KIAA0825: variants seen among roughly 807,000 people sequenced by gnomAD.
The protein encoded by KIAA0825 is KIAA0825, also known as uncharacterized protein KIAA0825.
A neutral mutation model predicts 147.6 loss-of-function variants in KIAA0825; 119 were observed. The observed-to-expected ratio is 0.81, with a 90% CI of 0.69 to 0.94. The LOEUF (loss-of-function observed/expected upper bound fraction) is 0.94, where lower values mean the gene tolerates loss of function less well. KIAA0825 is among the 40% of genes least tolerant of loss of function. The pLI, the probability that KIAA0825 is intolerant of heterozygous loss-of-function variation, is 0.00. For missense variants in KIAA0825, 1,381 were observed against 1,472.7 expected, an observed-to-expected ratio of 0.94 and a Z score of 1.02; for synonymous variants, 470 against 518.1, an observed-to-expected ratio of 0.91 and a Z score of 1.26.
At chr5:94,219,804 G>C (rs1405629896) in intron 20 of KIAA0825, among the ~76,000 whole-genome samples, 2 of 152,146 alleles carry the variant, frequency 1.3e-5, no homozygotes, top group Non-Finnish European at 2.9e-5. Context: ...ACCATGAATA[G>C]GGCTTGCAGG....
Position 94,157,287 on chromosome 5 carries a change from A to G in KIAA0825, c.3711-3163T>C, listed in dbSNP as rs533393302. On this transcript the variant is annotated intron_variant, in intron 20 of 20. Coordinates refer to ENST00000682413, the MANE Select transcript of KIAA0825 (RefSeq NM_001145678.3). ...TAGAAGAATTGCAACCTGGCCCCACAGCTGGTGGCAATGACTATGCTGTGT... is the reference window on the plus strand; with the variant it reads ...TAGAAGAATTGCAACCTGGCCCCACGGCTGGTGGCAATGACTATGCTGTGT... 6.6e-5 allele frequency among the ~76,000 whole-genome samples: 10 copies of G among 152,280 alleles called. No individual in the cohort carries two copies. In the South Asian group the frequency reaches 1.7e-3, roughly 25 times the overall value.
chr5:94,214,568 G>T (rs1045179340), intron 20 of KIAA0825, among the ~76,000 whole-genome samples: 8 of 152,118 alleles, frequency 5.3e-5, no homozygotes, highest in African/African-American at 1.9e-4. Context: ...TACTCTCTGG[G>T]AAACTCCTCG....
chr5:94,463,586 A>G (rs187737756), intron 11 of KIAA0825, among the ~76,000 whole-genome samples: 54 of 151,416 alleles, frequency 3.6e-4, no homozygotes, highest in African/African-American at 1.2e-3. Flanking sequence ...CACATACACA[A>G]TCTGATTTCC....
intron 19 of KIAA0825, among the ~76,000 whole-genome samples, chr5:94,384,706 G>A (rs750445945): frequency 2.6e-5 from 4 of 152,088 alleles, no homozygotes; most frequent in Non-Finnish European, 4.4e-5. Flanking sequence ...TTATTGAGTC[G>A]TTATTCTTCC....
intron 5 of KIAA0825, among the ~76,000 whole-genome samples, chr5:94,485,439 G>A (rs1762936155): frequency 6.6e-6 from 1 of 151,630 alleles, no homozygotes; most frequent in African/African-American, 2.4e-5. Context: ...AGACATACTT[G>A]GGATAATTTG....
chr5:94,205,656 G>C (rs537912545), intron 20 of KIAA0825, among the ~76,000 whole-genome samples: 9 of 152,136 alleles, frequency 5.9e-5, no homozygotes, highest in African/African-American at 2.2e-4. Context: ...AATTATCATG[G>C]ATGCCATAAT....
At chr5:94,486,217 T>G (rs1194578784) in intron 5 of KIAA0825, among the ~76,000 whole-genome samples, 1 of 152,002 alleles carries the variant, frequency 6.6e-6, no homozygotes, top group Non-Finnish European at 1.5e-5. Context: ...ATTGGAAAAT[T>G]TGTAAACTCC....
intron 14 of KIAA0825, among the ~76,000 whole-genome samples, chr5:94,426,441 A>G (rs1238656634): frequency 6.6e-6 from 1 of 152,186 alleles, no homozygotes. Context: ...TTTACGTGAA[A>G]TAAGTTAGGC....
In KIAA0825 at chr5:94,263,662, TCTC is replaced by T. The variant is rs1291368437; in HGVS notation, c.3711-109541_3711-109539del. Among the ~76,000 whole-genome samples, 10 of 147,844 alleles carry T rather than the reference TCTC, an allele frequency of 6.8e-5. No individual in the cohort carries two copies. The South Asian group carries it at 1.5e-3, about 22-fold the overall frequency. On this transcript the variant is annotated intron_variant, in intron 20 of 20. Transcript: ENST00000682413. ...TTTTTCTTCAATGTCTCTCTCTCTC[TCTC>T]TTTTTTTTTGCACTATTGTTTAACA...
chr5:94,292,170 A>C (rs966546986), intron 20 of KIAA0825, among the ~76,000 whole-genome samples: 1 of 152,182 alleles, frequency 6.6e-6, no homozygotes, highest in Non-Finnish European at 1.5e-5. Context: ...GAGAGAGGGC[A>C]TCCTTGTCTT....
chr5:94,452,993 A>G lies in KIAA0825; in HGVS notation c.2323T>C (p.Ser775Pro). The stretch of plus-strand genomic sequence containing the variant: ...GAAGGGTAGAAATGTGATATGCAAG[A>G]AACCCAATATAATGGTTGCTTAAAA... Reference protein sequence around the residue: ...SFFKQPLYWVSCISHFYPSLL... With the variant: ...SFFKQPLYWVPCISHFYPSLL... Residue 775 changes from serine (S) to proline (P), a missense_variant, in exon 13 of 21, where the codon TCT (serine) becomes CCT (proline). Transcript: ENST00000682413. 6.5e-7 allele frequency: 1 copy of G among 1,531,372 alleles called. No homozygotes were observed. The highest frequency in any genetic ancestry group is 8.8e-7 in the Non-Finnish European group (1 of 1,139,118). The allele number at this position is 1,531,372 out of a possible 1,614,324, so 94.9% of individuals were successfully genotyped here.
chr5:94,618,257 G>A (rs952446564), intron 1 of KIAA0825: 1 of 152,242 alleles, frequency 6.6e-6, no homozygotes, highest in African/African-American at 2.4e-5. Flanking sequence ...CTCGCCCAGG[G>A]ACACTTGGTG....
intron 20 of KIAA0825, among the ~76,000 whole-genome samples, chr5:94,380,069 G>A (rs553660338): frequency 6.6e-6 from 1 of 151,900 alleles, no homozygotes; most frequent in South Asian, 2.1e-4. Flanking sequence ...TAGCCAGGAT[G>A]GTCTCGATCT....
chr5:94,539,731 C>A (rs1168300536), intron 2 of KIAA0825, among the ~76,000 whole-genome samples: 1 of 151,904 alleles, frequency 6.6e-6, no homozygotes, highest in Non-Finnish European at 1.5e-5. Flanking sequence ...TAATAAAAGG[C>A]AGGGATGCTT....
intron 20 of KIAA0825, among the ~76,000 whole-genome samples, chr5:94,216,775 T>A (rs1171758842): frequency 1.3e-5 from 2 of 152,084 alleles, no homozygotes; most frequent in Non-Finnish European, 2.9e-5. Context: ...AGCTTCCTAA[T>A]TTTTTTTCAC....
At chr5:94,613,431 T>C (rs894100778) in intron 1 of KIAA0825, among the ~76,000 whole-genome samples, 1 of 152,180 alleles carries the variant, frequency 6.6e-6, no homozygotes, top group Non-Finnish European at 1.5e-5. Context: ...ACTCCTTGTC[T>C]CAAGAGATCC....
intron 2 of KIAA0825, among the ~76,000 whole-genome samples, chr5:94,575,186 T>C (rs1316551390): frequency 2.0e-5 from 3 of 151,248 alleles, no homozygotes; most frequent in Non-Finnish European, 4.4e-5. Context: ...TAAGAGGGAG[T>C]CAAAAATGTT....
chr5:94,249,177 T>C (rs1312661320), intron 20 of KIAA0825, among the ~76,000 whole-genome samples: 3 of 152,112 alleles, frequency 2.0e-5, no homozygotes, highest in Non-Finnish European at 4.4e-5. Context: ...CAACATTAAC[T>C]TTGAGGAATT....
intron 1 of KIAA0825, among the ~76,000 whole-genome samples, chr5:94,600,974 C>T (rs749306596): frequency 7.2e-5 from 11 of 152,128 alleles, no homozygotes; most frequent in Non-Finnish European, 1.5e-4. Flanking sequence ...TTTGCTGTTT[C>T]AGCAACTTAG....
Sources: allele counts gnomAD v4.1 joint callset (sites outside exome capture counted in the v4.1 genomes callset), GRCh38; gene constraint gnomAD v4.1.1; transcripts MANE v1.5; gene names NCBI Gene and HGNC (gene_info 2026-07-23, HGNC 2026-07-21).